Variants in DNAH12 observed in about 807,000 individuals in gnomAD.
DNAH12 encodes dynein axonemal heavy chain 12.
In DNAH12, 285 loss-of-function variants were observed where a neutral mutation model predicts 371.5. The ratio of observed to expected loss-of-function variants is 0.77; its 90% CI spans 0.70 to 0.85. The LOEUF is 0.85. Among genes scored for constraint, DNAH12 ranks in the 40% least tolerant of loss-of-function variants. The probability of loss-of-function intolerance (pLI) is 0.00; values close to 1 mark genes in which losing one functional copy is unlikely to be tolerated. For missense variants in DNAH12, 3,611 were observed against 3,689.4 expected (o/e 0.98, Z 0.55); for synonymous variants, 1,200 against 1,213.0 (o/e 0.99, Z 0.22).
intron 11 of DNAH12, chr3:57,498,411 G>C: frequency 4.3e-6 from 3 of 696,328 alleles, no homozygotes; most frequent in Non-Finnish European, 7.9e-6. Context: ...CGAACTCCTA[G>C]GCTCCAGTAA....
chr3:57,361,423 A>ATATATATATACACACACACAC (rs1321658513), intron 58 of DNAH12, among the ~76,000 whole-genome samples: 59 of 132,928 alleles, frequency 4.4e-4, no homozygotes, highest in Non-Finnish European at 1.7e-4. Context: ...CACACACACT[A>ATATATATATACACACACACAC]TATATATATA....
intron 2 of DNAH12, among the ~76,000 whole-genome samples, chr3:57,531,767 CAAA>C (rs35142998): frequency 1.4e-3 from 68 of 50,256 alleles, no homozygotes; most frequent in South Asian, 5.2e-3. Flanking sequence ...CACTCCATCT[CAAA>C]AAAAAAAAAA....
At chr3:57,428,173 C>T (rs2064841688) in intron 34 of DNAH12, among the ~76,000 whole-genome samples, 2 of 152,112 alleles carry the variant, frequency 1.3e-5, no homozygotes, top group Admixed American at 6.6e-5. Flanking sequence ...AAGTGATCCG[C>T]CCACCTCAGC....
intron 69 of DNAH12, among the ~76,000 whole-genome samples, chr3:57,303,655 C>T (rs1575422596): frequency 2.6e-5 from 4 of 152,186 alleles, no homozygotes; most frequent in South Asian, 2.1e-4. Context: ...CCTCCTGCCT[C>T]GGCCTTATAA....
intron 29 of DNAH12, among the ~76,000 whole-genome samples, chr3:57,440,512 T>C (rs1203309743): frequency 6.6e-6 from 1 of 152,034 alleles, no homozygotes; most frequent in African/African-American, 2.4e-5. Flanking sequence ...CAACAGACAC[T>C]GGGGACTACT....
chr3:57,366,110 G>T (rs1005710080), intron 57 of DNAH12, among the ~76,000 whole-genome samples: 1 of 152,092 alleles, frequency 6.6e-6, no homozygotes, highest in East Asian at 1.9e-4. Context: ...AGATCATAAA[G>T]ACCTTGCTGA....
chr3:57,486,791 G>T (rs1414642909), intron 12 of DNAH12, among the ~76,000 whole-genome samples: 1 of 151,992 alleles, frequency 6.6e-6, no homozygotes, highest in Non-Finnish European at 1.5e-5. Flanking sequence ...CTGCACTTCG[G>T]TCCGGGCAAC....
intron 43 of DNAH12, among the ~76,000 whole-genome samples, chr3:57,395,012 T>C (rs1204154853): frequency 1.3e-5 from 2 of 152,160 alleles, no homozygotes; most frequent in African/African-American, 4.8e-5. Context: ...ATTTAAAAAT[T>C]GAATTATATA....
chr3:57,341,049 T>C (rs1212779327), intron 60 of DNAH12, among the ~76,000 whole-genome samples: 3 of 152,172 alleles, frequency 2.0e-5, no homozygotes, highest in South Asian at 2.1e-4. Context: ...ATCATCTCAA[T>C]AGATCCAGAA....
intron 62 of DNAH12, among the ~76,000 whole-genome samples, chr3:57,326,518 T>C (rs907198675): frequency 2.0e-5 from 3 of 152,128 alleles, no homozygotes; most frequent in East Asian, 1.9e-4. Context: ...CTGAGCAATT[T>C]TGTCACCACC....
intron 43 of DNAH12, chr3:57,402,528 G>T (rs150235428): frequency 0.027 from 25,294 of 923,436 alleles, 411 homozygotes; most frequent in Non-Finnish European, 0.031. Flanking sequence ...TTATTTATCT[G>T]AAATAAGTCC....
intron 60 of DNAH12, among the ~76,000 whole-genome samples, chr3:57,350,953 C>T (rs1011982089): frequency 6.6e-6 from 1 of 152,054 alleles, no homozygotes; most frequent in Non-Finnish European, 1.5e-5. Context: ...CATACCAAAA[C>T]AGATTTTTTT....
At chr3:57,384,069 T>A (rs1229532317) in intron 49 of DNAH12, among the ~76,000 whole-genome samples, 8 of 152,096 alleles carry the variant, frequency 5.3e-5, no homozygotes, top group African/African-American at 1.9e-4. Flanking sequence ...AGTCAACAGA[T>A]GTTATCTCTC....
At chr3:57,493,134 C>A (rs779983172) in intron 11 of DNAH12, among the ~76,000 whole-genome samples, 2 of 152,174 alleles carry the variant, frequency 1.3e-5, no homozygotes, top group African/African-American at 4.8e-5. Flanking sequence ...ATTCATAGAA[C>A]ATTTATTGTG....
At chr3:57,295,667 A>T (rs930070474) in intron 72 of DNAH12, 75 bp from the exon 73 acceptor site, 1 of 1,307,662 alleles carries the variant, frequency 7.6e-7, no homozygotes. Context: ...CTACTTAGAT[A>T]TTGGCTTTTA....
At chr3:57,528,476 A>G (rs2068725889) in intron 2 of DNAH12, among the ~76,000 whole-genome samples, 1 of 150,890 alleles carries the variant, frequency 6.6e-6, no homozygotes, top group Non-Finnish European at 1.5e-5. Context: ...CTATAATCCC[A>G]GCCCTTTGGG....
At chr3:57,453,091 A>G in intron 24 of DNAH12, 76 bp from the exon 25 acceptor site, 1 of 1,471,850 alleles carries the variant, frequency 6.8e-7, no homozygotes, top group Non-Finnish European at 9.0e-7. Flanking sequence ...TTTATCTTTT[A>G]TAACAGCAAA....
At chr3:57,437,318 C>A (rs772616777) in intron 29 of DNAH12, among the ~76,000 whole-genome samples, 1 of 152,130 alleles carries the variant, frequency 6.6e-6, no homozygotes, top group Non-Finnish European at 1.5e-5. Flanking sequence ...GAAAATAACT[C>A]CTTTTAATAG....
chr3:57,331,603 G>A (rs977697614), intron 62 of DNAH12, among the ~76,000 whole-genome samples: 11 of 152,104 alleles, frequency 7.2e-5, no homozygotes, highest in Admixed American at 2.6e-4. Context: ...TGTTCCTTGT[G>A]AGACTTTACT....
Sources: allele counts gnomAD v4.1 joint callset (sites outside exome capture counted in the v4.1 genomes callset), GRCh38; gene constraint gnomAD v4.1.1; transcripts MANE v1.5; gene names NCBI Gene and HGNC (gene_info 2026-07-23, HGNC 2026-07-21).